SYNE2: variants seen among roughly 807,000 people sequenced by gnomAD.
The protein encoded by SYNE2 is spectrin repeat containing nuclear envelope protein 2.
SYNE2 carries 431 observed loss-of-function variants against 856.3 expected under a neutral mutation model. The observed-to-expected ratio is 0.50, with a 90% CI of 0.47 to 0.55. The LOEUF is 0.55. Among genes scored for constraint, SYNE2 ranks in the 20% least tolerant of loss-of-function variants. The probability of loss-of-function intolerance (pLI) is 0.00; values close to 1 mark genes in which losing one functional copy is unlikely to be tolerated. For missense variants in SYNE2, 8,129 were observed against 8,023.2 expected, an observed-to-expected ratio of 1.01 and a Z score of -0.50; for synonymous variants, 2,923 against 2,872.3, an observed-to-expected ratio of 1.02 and a Z score of -0.56.
intron 45 of SYNE2, 52 bp downstream of exon 45, chr14:64,031,409 T>C (rs768362590): frequency 6.6e-7 from 1 of 1,526,292 alleles, no homozygotes; most frequent in Non-Finnish European, 9.1e-7. Flanking sequence ...AATGAAGAGG[T>C]ATTTGGCTCT....
intron 43 of SYNE2, among the ~76,000 whole-genome samples, chr14:64,029,573 T>A (rs902470929): frequency 6.6e-6 from 1 of 152,224 alleles, no homozygotes; most frequent in Non-Finnish European, 1.5e-5. Context: ...TTATCATGAA[T>A]GTTTGGGATT....
rs2096718992 is a variant in SYNE2 at position 63,997,030 on chromosome 14, A to G, written c.3024A>G (p.Ser1008=). 1 of 1,614,144 alleles carries G rather than the reference A, an allele frequency of 6.2e-7. No homozygotes were observed. The highest frequency in any genetic ancestry group is 1.3e-5 in the African/African-American group (1 of 75,048). Reference sequence around the variant, plus strand: ...GGGAGCTGTGTGAAGAGCTGCCTTCACAGAAGAGTCAACAAGAAGTGAAGA... The same window carrying G: ...GGGAGCTGTGTGAAGAGCTGCCTTCGCAGAAGAGTCAACAAGAAGTGAAGA... The part of the protein sequence containing the change: ...VLRELCEELP[S]QKSQQEVKRL... Residue 1008 remains serine, a synonymous_variant, in exon 24 of 116, where the codon TCA becomes TCG. Coordinates refer to ENST00000555002, the MANE Select transcript of SYNE2 (RefSeq NM_182914.3).
intron 84 of SYNE2, among the ~76,000 whole-genome samples, 182 bp from the exon 85 acceptor site, chr14:64,152,380 TAC>T (rs1160274120): frequency 3.3e-5 from 5 of 152,236 alleles, no homozygotes; most frequent in African/African-American, 1.2e-4. Context: ...TCTCCTAAAA[TAC>T]AGAGTTGTGT....
At chr14:63,990,003 C>A (rs979794410) in intron 19 of SYNE2, among the ~76,000 whole-genome samples, 1 of 152,046 alleles carries the variant, frequency 6.6e-6, no homozygotes, top group Non-Finnish European at 1.5e-5. Flanking sequence ...TATTTCTGAC[C>A]CATTTGAAAT....
chr14:63,803,264 G>A (rs539011334), intron 1 of SYNE2, among the ~76,000 whole-genome samples: 50 of 152,344 alleles, frequency 3.3e-4, no homozygotes, highest in Non-Finnish European at 1.0e-4. Context: ...CGGTGCGCTC[G>A]CACTCCTCAG....
intron 2 of SYNE2, among the ~76,000 whole-genome samples, chr14:63,925,804 A>G (rs918870819): frequency 6.6e-6 from 1 of 152,108 alleles, no homozygotes; most frequent in East Asian, 1.9e-4. Context: ...TAACGTAATT[A>G]CCTTCAGTTC....
rs544501534 is a variant in SYNE2, at chr14:63,809,628, T to C, written c.-304-42873T>C. ...GATGCTCCTGCCTCATCCTCCCAAG[T>C]AGCTGGGACTCTAGGCACATGCCAC... is the stretch of plus-strand genomic sequence containing the variant. On this transcript the variant is annotated intron_variant, in intron 1 of 23. Transcript: ENST00000674003. 4.6e-5 allele frequency among the ~76,000 whole-genome samples: 7 copies of C among 152,242 alleles called. No individual in the cohort carries two copies. In the South Asian group the frequency reaches 1.5e-3, roughly 32 times the overall value.
rs370255444 is a variant in SYNE2 at position 64,098,810 on chromosome 14, G to T, written c.12370G>T (p.Val4124Leu). 8.9e-5 allele frequency: 143 copies of T among 1,614,082 alleles called. 1 individual carries two copies. The Middle Eastern group carries it at 9.9e-4, about 11-fold the overall frequency. ...AVEEEVEESS[V>L]KSDNGDEKAE... ...CGAGGAAGAGGTGGAAGAAAGTTCCGTGAAGAGCGATGTAAGGGAAATGAT... is the reference window on the plus strand; with the variant it reads ...CGAGGAAGAGGTGGAAGAAAGTTCCTTGAAGAGCGATGTAAGGGAAATGAT... The change falls in exon 63 of 116, where the codon GTG (valine) becomes TTG (leucine). Residue 4124 changes from valine to leucine, a missense_variant. This residue lies in a region of SYNE2 where 5,410 missense variants were observed against 5,284.8 expected (regional missense o/e 1.02). Coordinates refer to ENST00000555002, the MANE Select transcript of SYNE2 (RefSeq NM_182914.3).
intron 2 of SYNE2, among the ~76,000 whole-genome samples, chr14:63,918,650 C>T (rs144696373): frequency 2.5e-4 from 38 of 152,144 alleles, no homozygotes; most frequent in African/African-American, 8.2e-4. Context: ...GAAAGAGTAG[C>T]CACGCGCTTT....
At chr14:64,196,334 C>A (rs767942672) in intron 99 of SYNE2, among the ~76,000 whole-genome samples, 1 of 152,084 alleles carries the variant, frequency 6.6e-6, no homozygotes, top group Non-Finnish European at 1.5e-5. Flanking sequence ...CAGGATTGTC[C>A]GAAGAAACTG....
intron 1 of SYNE2, among the ~76,000 whole-genome samples, chr14:63,886,099 A>G (rs771380347): frequency 1.6e-4 from 24 of 152,152 alleles, no homozygotes; most frequent in Non-Finnish European, 2.9e-4. Context: ...TAATGATACC[A>G]TTTCACAGAA....
chr14:63,975,328 G>A (rs914494943), intron 11 of SYNE2, among the ~76,000 whole-genome samples: 2 of 151,792 alleles, frequency 1.3e-5, no homozygotes, highest in Admixed American at 6.6e-5. Flanking sequence ...TTGAATTTAT[G>A]TGTATTATTT....
chr14:63,838,269 T>C (rs6573533), intron 1 of SYNE2, among the ~76,000 whole-genome samples: 88,104 of 151,822 alleles, frequency 0.58, 26,127 homozygotes, highest in South Asian at 0.69. Flanking sequence ...CTCTGGGAGG[T>C]GGAGGTTGTA....
chr14:63,879,359 A>C (rs1260992046), intron 1 of SYNE2, among the ~76,000 whole-genome samples: 2 of 152,246 alleles, frequency 1.3e-5, no homozygotes, highest in Non-Finnish European at 2.9e-5. Context: ...AATCAGCCCC[A>C]GTGAACTTGA....
intron 47 of SYNE2, among the ~76,000 whole-genome samples, chr14:64,051,332 A>T (rs1367947404): frequency 6.6e-6 from 1 of 151,454 alleles, no homozygotes; most frequent in East Asian, 1.9e-4. Context: ...TTTCACTCAA[A>T]GTAAAAGCCA....
In SYNE2 at chr14:64,049,700, G is replaced by T. The variant is rs143031135; in HGVS notation, c.7467G>T (p.Leu2489Phe). ...TTAACAAAACAGAAACTGGGGCCTT[G>T]GTTCTCCACAATATAGGATATTCGG... ...ECLNKTETGA[L>F]VLHNIGYSAQ... The change falls in exon 47 of 116, where the codon TTG becomes TTT. Residue 2489 changes from leucine (L) to phenylalanine (F), a missense_variant. By Grantham distance (22) the Leu-to-Phe change is conservative (BLOSUM62 0). Transcript: ENST00000555002. 2 of 1,614,090 alleles carry T rather than the reference G, an allele frequency of 1.2e-6. No individual in the cohort carries two copies. The highest frequency in any genetic ancestry group is 1.7e-5 in the Admixed American group (1 of 60,016).
chr14:63,929,769 C>CAA (rs34496182), intron 2 of SYNE2, among the ~76,000 whole-genome samples: 2,024 of 127,044 alleles, frequency 0.016, 49 homozygotes, highest in African/African-American at 0.053. Context: ...GAAACTGTCT[C>CAA]AAAAAAAAAA....
intron 1 of SYNE2, among the ~76,000 whole-genome samples, chr14:63,862,474 A>T (rs1167054263): frequency 6.6e-6 from 1 of 152,132 alleles, no homozygotes; most frequent in Non-Finnish European, 1.5e-5. Context: ...GGGCTCAAGA[A>T]ATCCTCCTGC....
At chr14:63,807,865 A>ATATATATATATATATATATT (rs1267385896) in intron 1 of SYNE2, among the ~76,000 whole-genome samples, 6 of 97,394 alleles carry the variant, frequency 6.2e-5, no homozygotes, top group African/African-American at 2.2e-4. Context: ...ATATATATAT[A>ATATATATATATATATATATT]ATTTCAATAG....
Sources: allele counts gnomAD v4.1 joint callset (sites outside exome capture counted in the v4.1 genomes callset), GRCh38; gene constraint gnomAD v4.1.1; regional missense constraint gnomAD v4.1.1; transcripts MANE v1.5; gene names NCBI Gene and HGNC (gene_info 2026-07-23, HGNC 2026-07-21).